Variants in MAGI2 observed in about 807,000 individuals in gnomAD.
MAGI2 encodes membrane associated guanylate kinase, WW and PDZ domain containing 2.
MAGI2 carries 35 observed loss-of-function variants against 133.3 expected under a neutral mutation model. The observed-to-expected ratio is 0.26, with a 90% CI of 0.20 to 0.35. MAGI2 has a LOEUF of 0.35. Ranked by LOEUF, MAGI2 falls within the 10% of genes least tolerant of loss-of-function variation. MAGI2 has a pLI of 1.00. For synonymous variants in MAGI2, 729 were observed against 710.6 expected (o/e 1.03, Z -0.41); for missense variants, 1,636 against 1,863.4 (o/e 0.88, Z 2.25).
chr7:78,091,042 ATGTGTGTGTATG>A (rs1446577517), intron 20 of MAGI2, among the ~76,000 whole-genome samples: 1 of 103,764 alleles, frequency 9.6e-6, no homozygotes, highest in Non-Finnish European at 2.2e-5. Context: ...ACTGATGTGT[ATGTGTGTGTATG>A]TGTGTGTGTG....
intron 6 of MAGI2, among the ~76,000 whole-genome samples, chr7:78,408,025 C>T: frequency 6.6e-6 from 1 of 152,080 alleles, no homozygotes; most frequent in East Asian, 1.9e-4. Flanking sequence ...ACTTTTCTGC[C>T]TTAAAATGCA....
intron 1 of MAGI2, among the ~76,000 whole-genome samples, chr7:79,082,852 T>C (rs1162676209): frequency 6.6e-6 from 1 of 151,904 alleles, no homozygotes; most frequent in Non-Finnish European, 1.5e-5. Flanking sequence ...ACAGGCTGTC[T>C]TTCTAGTTAT....
At chr7:78,809,930 T>C (rs933102021) in intron 2 of MAGI2, among the ~76,000 whole-genome samples, 22 of 152,208 alleles carry the variant, frequency 1.4e-4, no homozygotes, top group African/African-American at 4.6e-4. Context: ...AAGCAATTCC[T>C]AAATCCTTTT....
intron 3 of MAGI2, among the ~76,000 whole-genome samples, chr7:78,598,003 T>A (rs1262203398): frequency 6.6e-6 from 1 of 152,168 alleles, no homozygotes; most frequent in African/African-American, 2.4e-5. Context: ...AACAATATAT[T>A]CTAAAAACTG....
intron 21 of MAGI2, among the ~76,000 whole-genome samples, chr7:78,077,389 C>T (rs904052912): frequency 6.1e-5 from 9 of 148,200 alleles, no homozygotes; most frequent in Non-Finnish European, 1.3e-4. Flanking sequence ...AGGATCATGC[C>T]TGTGCTTATT....
chr7:79,213,845 G>C (rs1223017100), intron 1 of MAGI2, among the ~76,000 whole-genome samples: 1 of 151,826 alleles, frequency 6.6e-6, no homozygotes, highest in Non-Finnish European at 1.5e-5. Flanking sequence ...ATCCCTTTCT[G>C]GAGTTTATTC....
intron 1 of MAGI2, among the ~76,000 whole-genome samples, chr7:79,089,026 G>A (rs571247016): frequency 6.6e-6 from 1 of 152,032 alleles, no homozygotes; most frequent in South Asian, 2.1e-4. Context: ...TACAGAATGG[G>A]AGAAAAAAAT....
intron 1 of MAGI2, among the ~76,000 whole-genome samples, chr7:79,016,123 A>G (rs148651341): frequency 7.9e-4 from 120 of 152,032 alleles, no homozygotes; most frequent in African/African-American, 2.7e-3. Flanking sequence ...AGAGCTGCTT[A>G]GAGAAGTAGT....
At chr7:78,468,385 T>A (rs1266772063) in intron 6 of MAGI2, among the ~76,000 whole-genome samples, 2 of 152,126 alleles carry the variant, frequency 1.3e-5, no homozygotes, top group African/African-American at 4.8e-5. Context: ...TAGGGAGTGG[T>A]AGGGCATGTG....
chr7:78,839,092 A>G (rs967384247), intron 2 of MAGI2, among the ~76,000 whole-genome samples: 1 of 151,990 alleles, frequency 6.6e-6, no homozygotes, highest in Admixed American at 6.6e-5. Flanking sequence ...TGAGGGTGGA[A>G]TGGGAGGAAA....
At position 78,019,947 on chromosome 7, in the gene MAGI2, CAGCGGG is replaced by C; in HGVS notation, c.3730_3735del (p.Pro1244_Ala1245del). On this transcript the variant is annotated inframe_deletion, in exon 22 of 22. Transcript: ENST00000354212. ...ACTTCCGGCAGACCTGGGGCGGCGG[CAGCGGG>C]AGAACTCCAGGGGGCGGGTTCGTCT... 6.2e-7 allele frequency: 1 copy of C among 1,608,162 alleles called. No individual in the cohort carries two copies. The highest frequency in any genetic ancestry group is 1.1e-5 in the South Asian group (1 of 90,030).
chr7:78,888,362 G>A lies in MAGI2; in HGVS notation c.418+118728C>T, dbSNP rs540731503. Among the ~76,000 whole-genome samples, 5 of 152,328 alleles carry A rather than the reference G, an allele frequency of 3.3e-5. No individual in the cohort carries two copies. The East Asian group carries it at 9.7e-4, about 29-fold the overall frequency. On this transcript the variant is annotated intron_variant, in intron 2 of 21. Transcript: ENST00000354212. The stretch of plus-strand genomic sequence containing the variant: ...TCTGCAGACTTCAATGTCCCTGTCT[G>A]ACAGCTTTGAAGAGAGTAGCGGTTC...
intron 2 of MAGI2, among the ~76,000 whole-genome samples, chr7:78,974,602 ACT>A (rs1407439466): frequency 6.6e-6 from 1 of 151,786 alleles, no homozygotes; most frequent in Non-Finnish European, 1.5e-5. Context: ...TTAAATATTA[ACT>A]CTTCATTTTT....
intron 1 of MAGI2, among the ~76,000 whole-genome samples, chr7:79,446,318 A>T (rs959290820): frequency 1.3e-5 from 2 of 152,182 alleles, no homozygotes; most frequent in Non-Finnish European, 1.5e-5. Flanking sequence ...AAGTACAATT[A>T]AAAAAAGAAG....
chr7:79,320,979 C>T (rs1298348938), intron 1 of MAGI2, among the ~76,000 whole-genome samples: 1 of 152,066 alleles, frequency 6.6e-6, no homozygotes, highest in Non-Finnish European at 1.5e-5. Flanking sequence ...ACACACATAA[C>T]CTGTTCAGAA....
At chr7:79,386,699 G>C (rs1844205586) in intron 1 of MAGI2, among the ~76,000 whole-genome samples, 1 of 151,948 alleles carries the variant, frequency 6.6e-6, no homozygotes, top group African/African-American at 2.4e-5. Flanking sequence ...TTTACTACTT[G>C]GCTGCTATGA....
intron 6 of MAGI2, among the ~76,000 whole-genome samples, chr7:78,466,410 T>C (rs879671872): frequency 5.3e-5 from 8 of 152,212 alleles, no homozygotes; most frequent in Non-Finnish European, 1.0e-4. Flanking sequence ...TTAAAATCAG[T>C]GATTGCGTCC....
rs115665394 is a variant in MAGI2, at chr7:79,110,881, C to A, written c.302-103675G>T. ...CTATCCTCATGATAATGAATGAGTT[C>A]TCACAAGATCTGGTTGCTTAAAAAT... On this transcript the variant is annotated intron_variant, in intron 1 of 21. Coordinates refer to ENST00000354212, the MANE Select transcript of MAGI2 (RefSeq NM_012301.4). Among the ~76,000 whole-genome samples, 607 of 152,216 alleles carry A rather than the reference C, an allele frequency of 4.0e-3. 5 individuals carry two copies. The highest frequency in any genetic ancestry group is 0.014 in the African/African-American group (567 of 41,530).
intron 1 of MAGI2, among the ~76,000 whole-genome samples, chr7:79,434,591 C>A (rs1848014967): frequency 6.6e-6 from 1 of 152,154 alleles, no homozygotes; most frequent in African/African-American, 2.4e-5. Context: ...AAATCTACCA[C>A]AGCATAATAT....
Sources: gnomAD v4.1 joint callset for allele counts (sites outside exome capture counted in the v4.1 genomes callset) on GRCh38, gnomAD v4.1.1 for gene constraint, MANE v1.5 for transcripts, NCBI Gene and HGNC (gene_info 2026-07-23, HGNC 2026-07-21) for gene names.